CELA3B: variants seen among roughly 807,000 people sequenced by gnomAD.
CELA3B encodes chymotrypsin like elastase 3B.
A neutral mutation model predicts 37.2 loss-of-function variants in CELA3B; 34 were observed. The observed-to-expected ratio is 0.91, with a 90% CI of 0.70 to 1.22. The LOEUF (loss-of-function observed/expected upper bound fraction) is 1.22, where lower values mean the gene tolerates loss of function less well. CELA3B is among the 50% of genes most tolerant of loss of function. CELA3B has a pLI of 0.00. For synonymous variants in CELA3B, 127 were observed against 143.5 expected (o/e 0.89, Z 0.82); for missense variants, 340 against 363.1 (o/e 0.94, Z 0.52).
In CELA3B at chr1:21,983,681, C is replaced by A; in HGVS notation, c.363-13C>A. On this transcript the variant is annotated splice_polypyrimidine_tract_variant and intron_variant, in intron 4 of 7. Coordinates refer to ENST00000337107, the MANE Select transcript of CELA3B (RefSeq NM_007352.4). The stretch of plus-strand genomic sequence containing the variant: ...TGGAGGACCAGGCCCCGTGACTGTT[C>A]CCTCCTCCCCAGCAATGACATCGCC... The A allele has an allele frequency of 1.2e-6, 2 of 1,612,560 alleles. No homozygotes were observed. The highest frequency in any genetic ancestry group is 2.2e-5 in the East Asian group (1 of 44,850).
Position 21,979,144 on chromosome 1 carries a change from C to T in CELA3B, c.129+690C>T, listed in dbSNP as rs558951334. ...CTGAAGTGCAATGGCACAATCTTGG[C>T]TCACTGCAACCTCTGCCACCCGGGT... On this transcript the variant is annotated intron_variant, in intron 2 of 7. Transcript: ENST00000337107. Among the ~76,000 whole-genome samples, 453 of 151,870 alleles carry T rather than the reference C, an allele frequency of 3.0e-3. 2 individuals carry two copies. Among genetic ancestry groups the T allele is most frequent in the African/African-American group, 0.011 (442 of 41,480 alleles).
chr1:21,977,115 G>T, intron 1 of CELA3B, 33 bp downstream of exon 1: 1 of 1,613,916 alleles, frequency 6.2e-7, no homozygotes, highest in African/African-American at 1.3e-5. Flanking sequence ...TGCTCCCTGG[G>T]CTGCCCTAGA....
chr1:21,993,981 C>T (rs1429445310), downstream of CELA3B, among the ~76,000 whole-genome samples: 8 of 149,114 alleles, frequency 5.4e-5, no homozygotes, highest in Non-Finnish European at 8.9e-5. Context: ...CTCTTCAAAC[C>T]GTTTCCCACT....
At chr1:21,988,068 C>G in intron 7 of CELA3B, 1 of 147,804 alleles carries the variant, frequency 6.8e-6, no homozygotes, top group Non-Finnish European at 1.5e-5. Context: ...AAAAATTAGC[C>G]GGGCGTATTG....
intron 2 of CELA3B, among the ~76,000 whole-genome samples, chr1:21,979,551 C>T (rs71514207): frequency 0.91 from 134,153 of 148,202 alleles, 61,500 homozygotes; most frequent in Non-Finnish European, 0.98. Flanking sequence ...CTCCTAGGTC[C>T]AAGCAATCAT....
chr1:21,998,209 C>T (rs1056645263), exon 5 of CELA3B: 15 of 469,870 alleles, frequency 3.2e-5, no homozygotes, highest in African/African-American at 3.0e-4. Flanking sequence ...GTGTGATTCA[C>T]CGTGAACACT....
intron 7 of CELA3B, 44 bp downstream of exon 7, chr1:21,986,727 C>T: frequency 2.1e-5 from 33 of 1,584,116 alleles, no homozygotes; most frequent in Non-Finnish European, 2.8e-5. Flanking sequence ...GGTGGTGGCT[C>T]TTCTGAGAGG....
chr1:21,987,999 T>C (rs1054331868), intron 7 of CELA3B: 3 of 146,240 alleles, frequency 2.1e-5, no homozygotes, highest in Non-Finnish European at 3.0e-5. Flanking sequence ...TCACCTGAGG[T>C]CAGGAGTTCA....
intron 6 of CELA3B, among the ~76,000 whole-genome samples, chr1:21,986,032 C>T (rs1238957423): frequency 2.7e-5 from 3 of 109,200 alleles, no homozygotes; most frequent in East Asian, 2.4e-4. Flanking sequence ...TGCATCATCT[C>T]ATGTAATTCC....
chr1:21,983,824 C>T lies in CELA3B; in HGVS notation c.493C>T (p.Leu165Phe). The change falls in exon 5 of 8, where the codon CTC becomes TTC. Residue 165 changes from leucine (L) to phenylalanine (F), a missense_variant. Leu to Phe is a conservative substitution (Grantham distance 22). Coordinates refer to ENST00000337107, the MANE Select transcript of CELA3B (RefSeq NM_007352.4). The part of the protein sequence containing the change: ...TPCYITGWGR[L>F]YTNGPLPDKL... ...CTGCTACATCACCGGCTGGGGCCGT[C>T]TCTATAGTACGTGCTGACTTCTCTA... 2 of 1,614,010 alleles carry T rather than the reference C, an allele frequency of 1.2e-6. No homozygotes were observed. Among genetic ancestry groups the T allele is most frequent in the East Asian group, 2.2e-5 (1 of 44,882 alleles).
chr1:21,986,307 C>T (rs112627075), intron 6 of CELA3B, among the ~76,000 whole-genome samples: 1,978 of 151,884 alleles, frequency 0.013, 50 homozygotes, highest in African/African-American at 0.044. Context: ...AGCCGGGAGA[C>T]GGAGGTTGCA....
chr1:21,994,967 A>C, intron 4 of CELA3B, among the ~76,000 whole-genome samples: 1 of 128,874 alleles, frequency 7.8e-6, no homozygotes, highest in African/African-American at 3.0e-5. Context: ...ATGCCACTGC[A>C]CCCCAGCCTG....
At chr1:21,994,861 G>T (rs1644883507) in intron 4 of CELA3B, among the ~76,000 whole-genome samples, 1 of 150,140 alleles carries the variant, frequency 6.7e-6, no homozygotes, top group Admixed American at 6.7e-5. Flanking sequence ...AATTAGCTGG[G>T]CGTGGTGGTG....
intron 4 of CELA3B, among the ~76,000 whole-genome samples, chr1:21,994,452 C>A (rs1644881044): frequency 6.6e-6 from 1 of 151,012 alleles, no homozygotes; most frequent in African/African-American, 2.5e-5. Flanking sequence ...ATCTTCCCTG[C>A]TGGCTTCTCT....
chr1:21,995,579 T>C (rs957232356), intron 4 of CELA3B, among the ~76,000 whole-genome samples: 7 of 151,220 alleles, frequency 4.6e-5, no homozygotes, highest in Non-Finnish European at 1.0e-4. Context: ...GTTGACCATG[T>C]AAAGGTGAAG....
At chr1:21,994,842 A>C (rs1472809067) in intron 4 of CELA3B, among the ~76,000 whole-genome samples, 1 of 150,256 alleles carries the variant, frequency 6.7e-6, no homozygotes, top group Non-Finnish European at 1.5e-5. Flanking sequence ...TCTACAAAAA[A>C]TATTTTAAAA....
At chr1:21,993,332 C>T (rs1430311141), downstream of CELA3B, among the ~76,000 whole-genome samples, 7 of 150,472 alleles carry the variant, frequency 4.7e-5, no homozygotes, top group African/African-American at 1.7e-4. Context: ...CATGGTGGCG[C>T]GTGCCTGTAA....
exon 5 of CELA3B, chr1:21,998,231 G>A (rs1397146027): frequency 4.3e-6 from 2 of 468,442 alleles, no homozygotes; most frequent in East Asian, 7.0e-5. Flanking sequence ...GCATATTAAA[G>A]GCTCTGAGAA....
intron 4 of CELA3B, among the ~76,000 whole-genome samples, chr1:21,981,750 C>G (rs1180291694): frequency 6.7e-6 from 1 of 148,874 alleles, no homozygotes; most frequent in Non-Finnish European, 1.5e-5. Context: ...TTTTGAGATG[C>G]AGTCTCGCTC....
Sources: allele counts gnomAD v4.1 joint callset (sites outside exome capture counted in the v4.1 genomes callset), GRCh38; gene constraint gnomAD v4.1.1; transcripts MANE v1.5; gene names NCBI Gene and HGNC (gene_info 2026-07-23, HGNC 2026-07-21).